CDH4: variants seen among roughly 807,000 people sequenced by gnomAD.
CDH4 encodes the protein cadherin 4.
CDH4 carries 33 observed loss-of-function variants against 86.0 expected under a neutral mutation model. The ratio of observed to expected loss-of-function variants is 0.38; its 90% confidence interval spans 0.29 to 0.51. The LOEUF (loss-of-function observed/expected upper bound fraction) is 0.51. Ranked by LOEUF, CDH4 falls within the 20% of genes least tolerant of loss-of-function variation. The pLI is 0.86. For missense variants in CDH4, 1,114 were observed against 1,307.4 expected (o/e 0.85, Z 2.28); for synonymous variants, 555 against 549.4 (o/e 1.01, Z -0.14).
rs1600720240 is a variant in CDH4, at chr20:61,510,296, G to A, written c.170-233267G>A. 6.6e-6 allele frequency among the ~76,000 whole-genome samples: 1 copy of A among 152,162 alleles called. No homozygotes were observed. The highest frequency in any genetic ancestry group is 2.4e-5 in the African/African-American group (1 of 41,430). ...TTTGTGTTTTGGGGGGGCCAGGAACGTGCATTCAGGGGAGTTTCTATTTGC... is the reference window on the plus strand; with the variant it reads ...TTTGTGTTTTGGGGGGGCCAGGAACATGCATTCAGGGGAGTTTCTATTTGC... On this transcript the variant is annotated intron_variant, in intron 2 of 15. Transcript: ENST00000614565. The surrounding 1 kb of genome is among the most constrained non-coding windows in gnomAD (Gnocchi z 4.2).
intron 2 of CDH4, among the ~76,000 whole-genome samples, chr20:61,475,457 C>G (rs1271969454): frequency 4.3e-5 from 3 of 69,868 alleles, no homozygotes; most frequent in Admixed American, 1.8e-4. Context: ...TTACCTCCCC[C>G]CCTCTCTCTC....
intron 5 of CDH4, 76 bp from the exon 6 acceptor site, chr20:61,852,678 C>T (rs1443469219): frequency 6.6e-7 from 1 of 1,506,148 alleles, no homozygotes; most frequent in Non-Finnish European, 8.9e-7. Context: ...TACCCCAGCA[C>T]CGCGGGTCCC....
chr20:61,892,192 C>T (rs116254984), intron 7 of CDH4, among the ~76,000 whole-genome samples: 2,473 of 152,330 alleles, frequency 0.016, 60 homozygotes, highest in African/African-American at 0.057. Flanking sequence ...TCCTGTGATG[C>T]ACTTAAAGCC....
chr20:61,504,843 G>A (rs1355958182), intron 2 of CDH4, among the ~76,000 whole-genome samples: 3 of 152,142 alleles, frequency 2.0e-5, no homozygotes, highest in Non-Finnish European at 4.4e-5. Flanking sequence ...CACACGCTCC[G>A]CTTCCATACC....
intron 2 of CDH4, among the ~76,000 whole-genome samples, chr20:61,689,969 A>T (rs1339657310): frequency 6.7e-6 from 1 of 148,674 alleles, no homozygotes; most frequent in Non-Finnish European, 1.5e-5. Flanking sequence ...TGGTGAGGTG[A>T]TGTGGAATCA....
intron 7 of CDH4, among the ~76,000 whole-genome samples, chr20:61,881,661 AGAG>A (rs1984281817): frequency 6.6e-6 from 1 of 152,202 alleles, no homozygotes; most frequent in South Asian, 2.1e-4. Context: ...GAGGGCAGGA[AGAG>A]GAGGGGGCGG....
intron 2 of CDH4, among the ~76,000 whole-genome samples, chr20:61,552,286 TAACTC>T (rs774172868): frequency 2.5e-4 from 38 of 152,272 alleles, no homozygotes; most frequent in Admixed American, 5.9e-4. Context: ...AAAACACAAA[TAACTC>T]AATTTCAAAT....
intron 2 of CDH4, among the ~76,000 whole-genome samples, chr20:61,610,462 G>C (rs892470486): frequency 6.6e-6 from 1 of 152,132 alleles, no homozygotes; most frequent in African/African-American, 2.4e-5. Context: ...AAAAAACTTG[G>C]GAGCGTAGCT....
At chr20:61,603,256 C>T (rs1228022591) in intron 2 of CDH4, among the ~76,000 whole-genome samples, 3 of 152,064 alleles carry the variant, frequency 2.0e-5, no homozygotes, top group Admixed American at 6.5e-5. Context: ...GAAGTCAAGT[C>T]CGTGGAGAGT....
intron 9 of CDH4, among the ~76,000 whole-genome samples, chr20:61,917,405 T>C (rs879256793): frequency 7.9e-5 from 12 of 152,256 alleles, no homozygotes; most frequent in Non-Finnish European, 1.6e-4. Context: ...CCCATGGCCC[T>C]CAGTTTTAAA....
chr20:61,836,180 G>C (rs1483041863), intron 4 of CDH4, among the ~76,000 whole-genome samples: 6 of 152,210 alleles, frequency 3.9e-5, no homozygotes, highest in Non-Finnish European at 5.9e-5. Flanking sequence ...GGTGAGGCAC[G>C]TCGGTTGTAT....
intron 3 of CDH4, 143 bp downstream of exon 3, chr20:61,743,932 C>A (rs896733660): frequency 4.4e-6 from 3 of 687,798 alleles, no homozygotes; most frequent in African/African-American, 1.8e-5. Context: ...CATTGCCAAC[C>A]AAGCACCCCT....
At chr20:61,756,288 T>G (rs528268326) in intron 3 of CDH4, among the ~76,000 whole-genome samples, 1 of 152,292 alleles carries the variant, frequency 6.6e-6, no homozygotes, top group South Asian at 2.1e-4. Context: ...GATCTGCATT[T>G]GTATGCTGGG....
chr20:61,611,547 C>A (rs2086685391), intron 2 of CDH4, among the ~76,000 whole-genome samples: 1 of 152,038 alleles, frequency 6.6e-6, no homozygotes, highest in Non-Finnish European at 1.5e-5. Flanking sequence ...CACCTCTTTG[C>A]TGGGACCTCA....
At chr20:61,390,030 A>T (rs1210999414) in intron 2 of CDH4, among the ~76,000 whole-genome samples, 1 of 149,730 alleles carries the variant, frequency 6.7e-6, no homozygotes, top group Non-Finnish European at 1.5e-5. Flanking sequence ...TGTCTGGGAG[A>T]CCCCGATTGA....
intron 2 of CDH4, among the ~76,000 whole-genome samples, chr20:61,536,390 C>A (rs1375249637): frequency 1.3e-5 from 2 of 152,188 alleles, no homozygotes; most frequent in East Asian, 3.9e-4. Context: ...ACAGAACAAC[C>A]CATGGAAAGT....
intron 2 of CDH4, among the ~76,000 whole-genome samples, chr20:61,438,028 C>T (rs1413645778): frequency 7.2e-5 from 11 of 152,216 alleles, no homozygotes; most frequent in Admixed American, 7.2e-4. Context: ...CTTAATGACC[C>T]GTCCAGACTC....
chr20:61,418,581 T>C (rs2085160059), intron 2 of CDH4, among the ~76,000 whole-genome samples: 1 of 152,152 alleles, frequency 6.6e-6, no homozygotes, highest in Non-Finnish European at 1.5e-5. Context: ...TTCCTATCTA[T>C]CAGATGGGCT....
chr20:61,830,593 C>A (rs963032587), intron 4 of CDH4, among the ~76,000 whole-genome samples: 1 of 152,220 alleles, frequency 6.6e-6, no homozygotes. Flanking sequence ...CCAGGCCTCC[C>A]CCATGCTGAG....
Sources: gnomAD v4.1 joint callset for allele counts (sites outside exome capture counted in the v4.1 genomes callset) on GRCh38, gnomAD v4.1.1 for gene constraint, Gnocchi (gnomAD v3.1) non-coding constraint, MANE v1.5 for transcripts, NCBI Gene and HGNC (gene_info 2026-07-23, HGNC 2026-07-21) for gene names.